The following IL1RAPL1 variants were observed in gnomAD, a reference collection of about 807,000 sequenced individuals.
The protein encoded by IL1RAPL1 is interleukin 1 receptor accessory protein like 1.
IL1RAPL1 carries 3 observed loss-of-function variants against 48.4 expected under a neutral mutation model. That is an observed-to-expected ratio of 0.06 (90% CI 0.03 to 0.16). The LOEUF (loss-of-function observed/expected upper bound fraction) is 0.16. Among genes scored for constraint, IL1RAPL1 ranks in the 10% least tolerant of loss-of-function variants. The pLI, the probability that IL1RAPL1 is intolerant of heterozygous loss-of-function variation, is 1.00. For missense variants in IL1RAPL1, 349 were observed against 530.6 expected (o/e 0.66, Z 3.36); for synonymous variants, 185 against 187.7 (o/e 0.99, Z 0.12).
chrX:29,379,451 C>G (rs1933666020), intron 3 of IL1RAPL1, among the ~76,000 whole-genome samples: 1 of 112,150 alleles, frequency 8.9e-6, no homozygotes, highest in African/African-American at 3.2e-5. Context: ...CCATGCCCTA[C>G]TGGAGCTCTC....
intron 6 of IL1RAPL1, among the ~76,000 whole-genome samples, chrX:29,757,572 C>G (rs1244940423): frequency 8.9e-6 from 1 of 112,032 alleles, no homozygotes; most frequent in African/African-American, 3.2e-5. Flanking sequence ...CGGTATGTGA[C>G]TCAAGTGATA....
rs142885834 is a variant in IL1RAPL1 at position 29,512,204 on chromosome X, A to G, written c.703+112896A>G. On this transcript the variant is annotated intron_variant, in intron 5 of 10. Transcript: ENST00000378993. ...ACATGTAATGGTGTACCTTATGCAT[A>G]ACAGGTAACCAACTGATTGTGGTTT... 5.5e-3 allele frequency among the ~76,000 whole-genome samples: 605 copies of G among 110,870 alleles called. 5 individuals are homozygous for G. Among genetic ancestry groups the G allele is most frequent in the African/African-American group, 0.019 (580 of 30,596 alleles).
At chrX:29,910,433 G>A (rs1431103138) in intron 6 of IL1RAPL1, among the ~76,000 whole-genome samples, 1 of 111,082 alleles carries the variant, frequency 9.0e-6, no homozygotes, top group Non-Finnish European at 1.9e-5. Flanking sequence ...ATTTAAAGGA[G>A]ATGATACTGT....
chrX:29,694,513 A>G (rs1433116241), intron 6 of IL1RAPL1, among the ~76,000 whole-genome samples: 1 of 111,459 alleles, frequency 9.0e-6, no homozygotes, highest in African/African-American at 3.3e-5. Context: ...TTGTGCTGCT[A>G]TAATAAAATA....
At chrX:28,715,400 T>C (rs1935491923) in intron 1 of IL1RAPL1, among the ~76,000 whole-genome samples, 1 of 111,760 alleles carries the variant, frequency 8.9e-6, no homozygotes, top group Admixed American at 9.5e-5. Context: ...TAAGGCAGTG[T>C]TAAGAGAGAA....
chrX:29,509,273 C>T (rs904348084), intron 5 of IL1RAPL1, among the ~76,000 whole-genome samples: 3 of 111,862 alleles, frequency 2.7e-5, no homozygotes, highest in African/African-American at 9.8e-5. Flanking sequence ...TGCTCTTAAG[C>T]CCTTTTACTA....
chrX:28,763,684 T>G (rs1456511198), intron 1 of IL1RAPL1, among the ~76,000 whole-genome samples: 1 of 111,218 alleles, frequency 9.0e-6, no homozygotes, highest in South Asian at 3.8e-4. Context: ...GAGTCTCTAG[T>G]CCTATGTTAT....
chrX:29,267,643 T>C (rs2056762556), intron 2 of IL1RAPL1, among the ~76,000 whole-genome samples: 1 of 110,983 alleles, frequency 9.0e-6, no homozygotes, highest in African/African-American at 3.3e-5. Context: ...TTTTAAACAC[T>C]GGAATAAAAA....
chrX:29,801,045 CAAAAAAAAAAAAAAAAAA>C (rs60240258), intron 6 of IL1RAPL1, among the ~76,000 whole-genome samples: 198 of 2,204 alleles, frequency 0.09, 5 homozygotes, highest in African/African-American at 0.19. Flanking sequence ...CTCTCCGTCT[CAAAAAAAAAAAAAAAAAA>C]AAAAAAAAAA....
chrX:28,674,107 T>C lies in IL1RAPL1; in HGVS notation c.-25+86060T>C, dbSNP rs1330764332. Among the ~76,000 whole-genome samples, 3 of 112,308 alleles carry C rather than the reference T, an allele frequency of 2.7e-5. No homozygotes were observed. In the East Asian group the frequency reaches 8.4e-4, roughly 32 times the overall value. On this transcript the variant is annotated intron_variant, in intron 1 of 10. Coordinates refer to ENST00000378993, the MANE Select transcript of IL1RAPL1 (RefSeq NM_014271.4). ...GTAATCAAACAATGCGATTGTTTTGTTAAATACTTTAAAAATTGTATTGAC... is the reference window on the plus strand; with the variant it reads ...GTAATCAAACAATGCGATTGTTTTGCTAAATACTTTAAAAATTGTATTGAC...
At chrX:29,865,084 C>T (rs190824051) in intron 6 of IL1RAPL1, among the ~76,000 whole-genome samples, 18 of 112,034 alleles carry the variant, frequency 1.6e-4, no homozygotes, top group African/African-American at 5.8e-4. Context: ...TTCAAAAACA[C>T]TTGCGAAAAT....
At chrX:29,016,114 A>G (rs967458004) in intron 2 of IL1RAPL1, among the ~76,000 whole-genome samples, 1 of 111,723 alleles carries the variant, frequency 9.0e-6, no homozygotes, top group African/African-American at 3.2e-5. Flanking sequence ...TAGGAAGATC[A>G]AAATGGCTAA....
intron 6 of IL1RAPL1, among the ~76,000 whole-genome samples, chrX:29,838,963 C>T (rs1009930895): frequency 3.8e-4 from 42 of 111,709 alleles, no homozygotes; most frequent in African/African-American, 1.2e-3. Flanking sequence ...CTTCCTGTAT[C>T]TTCCATTTTC....
At chrX:29,333,103 C>T (rs1269804815) in intron 3 of IL1RAPL1, among the ~76,000 whole-genome samples, 3 of 111,596 alleles carry the variant, frequency 2.7e-5, no homozygotes, top group Non-Finnish European at 3.8e-5. Flanking sequence ...CCACCCTTCC[C>T]GCCTTTCTAT....
chrX:29,147,164 T>A (rs73210098), intron 2 of IL1RAPL1, among the ~76,000 whole-genome samples: 4,982 of 111,656 alleles, frequency 0.045, 99 homozygotes, highest in Middle Eastern at 0.073. Flanking sequence ...ATAATGTAAA[T>A]ACGTTAGGAG....
chrX:29,157,992 C>T (rs73212117), intron 2 of IL1RAPL1, among the ~76,000 whole-genome samples: 6,565 of 110,989 alleles, frequency 0.059, 194 homozygotes, highest in African/African-American at 0.11. Flanking sequence ...ATTAGAGTCC[C>T]ATGTAGTAGA....
chrX:29,533,678 T>C (rs1921120403), intron 5 of IL1RAPL1, among the ~76,000 whole-genome samples: 1 of 112,124 alleles, frequency 8.9e-6, no homozygotes, highest in South Asian at 3.7e-4. Context: ...TAGATTGTAT[T>C]CTAAAGTGAC....
At chrX:29,364,562 C>CAAAAAAAAAAAA (rs766680904) in intron 3 of IL1RAPL1, among the ~76,000 whole-genome samples, 1 of 43,579 alleles carries the variant, frequency 2.3e-5, no homozygotes, top group African/African-American at 8.9e-5. Context: ...GACTCTATCT[C>CAAAAAAAAAAAA]AAAAAAAAAA....
At chrX:28,809,658 G>A (rs902525611) in intron 2 of IL1RAPL1, among the ~76,000 whole-genome samples, 13 of 110,695 alleles carry the variant, frequency 1.2e-4, no homozygotes, top group African/African-American at 3.6e-4. Context: ...AAAATGGAAG[G>A]AAATGTTGGA....
Sources: gnomAD v4.1 joint callset for allele counts (sites outside exome capture counted in the v4.1 genomes callset) on GRCh38, gnomAD v4.1.1 for gene constraint, MANE v1.5 for transcripts, NCBI Gene and HGNC (gene_info 2026-07-23, HGNC 2026-07-21) for gene names.